Variants in CLCN5 observed in about 807,000 individuals in gnomAD.
CLCN5 encodes the protein Cl-/H+ antiporter 5.
CLCN5 carries 17 observed loss-of-function variants against 54.0 expected under a neutral mutation model. That is an observed-to-expected ratio of 0.31 (90% confidence interval 0.22 to 0.47). The LOEUF (loss-of-function observed/expected upper bound fraction) is 0.47. CLCN5 is among the 20% of genes least tolerant of loss of function. The probability of loss-of-function intolerance (pLI) is 1.00; values close to 1 mark genes in which losing one functional copy is unlikely to be tolerated. For synonymous variants in CLCN5, 222 were observed against 233.0 expected, an observed-to-expected ratio of 0.95 and a Z score of 0.43; for missense variants, 448 against 646.7, an observed-to-expected ratio of 0.69 and a Z score of 3.33.
intron 3 of CLCN5, among the ~76,000 whole-genome samples, chrX:50,010,213 CCTTTCCTTT>C (rs782385861): frequency 4.6e-5 from 5 of 107,907 alleles, no homozygotes; most frequent in Non-Finnish European, 9.6e-5. Context: ...TTCTTTCCTT[CCTTTCCTTT>C]CCTTTCTTTT....
At chrX:50,051,026 A>C (rs1557188303) in intron 4 of CLCN5, among the ~76,000 whole-genome samples, 1 of 111,350 alleles carries the variant, frequency 9.0e-6, no homozygotes, top group African/African-American at 3.3e-5. Context: ...ATTTTAGTGA[A>C]GTCTAACTTA....
intron 3 of CLCN5, among the ~76,000 whole-genome samples, chrX:50,033,918 C>T (rs1931860551): frequency 9.0e-6 from 1 of 111,567 alleles, no homozygotes; most frequent in African/African-American, 3.3e-5. Context: ...AGAGTCCTCA[C>T]CTTTTTCTCA....
In CLCN5 at chrX:50,078,846, G is replaced by A. The variant is rs189260970; in HGVS notation, c.604-1748G>A. Among the ~76,000 whole-genome samples the A allele has an allele frequency of 1.1e-3, 126 of 111,692 alleles. 3 individuals are homozygous for A. The East Asian group carries it at 0.034, about 30-fold the overall frequency. ...TTTTTGTTTGTTTGTTTTTTGAGAC[G>A]GAGTCTCACTCTGTCACCCAGGCTG... is the stretch of plus-strand genomic sequence containing the variant. On this transcript the variant is annotated intron_variant, in intron 7 of 14. Transcript: ENST00000376091.
intron 3 of CLCN5, chrX:50,008,291 A>G: frequency 5.1e-6 from 1 of 195,198 alleles, no homozygotes. Flanking sequence ...CTGAGAGAAC[A>G]GACAAAATGT....
chrX:49,972,136 TG>T (rs1928252818), intron 3 of CLCN5, among the ~76,000 whole-genome samples: 1 of 107,768 alleles, frequency 9.3e-6, no homozygotes, highest in Non-Finnish European at 1.9e-5. Context: ...TGTGTGTGTG[TG>T]TGTGTGTGTG....
At chrX:49,981,549 G>T (rs1928731429) in intron 3 of CLCN5, among the ~76,000 whole-genome samples, 1 of 111,228 alleles carries the variant, frequency 9.0e-6, no homozygotes, top group African/African-American at 3.3e-5. Flanking sequence ...GTCTTAGCAG[G>T]TTTTTAATTA....
At chrX:50,047,718 T>C (rs1818826307) in intron 4 of CLCN5, among the ~76,000 whole-genome samples, 2 of 111,876 alleles carry the variant, frequency 1.8e-5, no homozygotes, top group African/African-American at 6.5e-5. Context: ...TCCTTGTTTT[T>C]GATGACCTTA....
intron 12 of CLCN5, 117 bp from the exon 13 acceptor site, chrX:50,089,999 C>T: frequency 1.4e-6 from 1 of 732,966 alleles, no homozygotes; most frequent in Non-Finnish European, 2.1e-6. Context: ...CTGGGGTCTG[C>T]ACAGTTGTAG....
intron 7 of CLCN5, among the ~76,000 whole-genome samples, chrX:50,080,065 T>A (rs782149842): frequency 1.5e-4 from 17 of 111,201 alleles, no homozygotes; most frequent in African/African-American, 5.2e-4. Flanking sequence ...AATAAAAAAA[T>A]TTTAAAAAGC....
At chrX:49,977,388 C>T (rs1252042943) in intron 3 of CLCN5, among the ~76,000 whole-genome samples, 1 of 111,233 alleles carries the variant, frequency 9.0e-6, no homozygotes, top group Admixed American at 9.5e-5. Flanking sequence ...ACTTCACAGC[C>T]CAGGGAAATC....
intron 4 of CLCN5, among the ~76,000 whole-genome samples, chrX:50,047,174 A>T (rs1343278800): frequency 1.8e-5 from 2 of 112,243 alleles, no homozygotes; most frequent in Non-Finnish European, 3.8e-5. Context: ...AAACAAAGTA[A>T]AATATCTTGG....
intron 4 of CLCN5, among the ~76,000 whole-genome samples, chrX:50,063,078 C>A (rs1454509890): frequency 9.3e-6 from 1 of 108,076 alleles, no homozygotes; most frequent in Non-Finnish European, 1.9e-5. Context: ...AATTGACACC[C>A]TAACATCACA....
intron 3 of CLCN5, among the ~76,000 whole-genome samples, chrX:49,953,135 C>T (rs1166337623): frequency 4.5e-5 from 5 of 110,993 alleles, no homozygotes; most frequent in Non-Finnish European, 7.6e-5. Context: ...ATCAGCCTGC[C>T]TCGGCCTCCC....
intron 7 of CLCN5, among the ~76,000 whole-genome samples, chrX:50,079,385 C>T (rs1317390293): frequency 1.8e-5 from 2 of 111,960 alleles, no homozygotes; most frequent in African/African-American, 6.5e-5. Context: ...AGTCAAAAGT[C>T]CATTGGGTTT....
At chrX:50,014,000 A>G (rs1447438757) in intron 3 of CLCN5, among the ~76,000 whole-genome samples, 2 of 112,265 alleles carry the variant, frequency 1.8e-5, no homozygotes, top group Non-Finnish European at 3.8e-5. Context: ...TAGCAGGCTC[A>G]TGGAGAATAA....
In CLCN5 at chrX:49,994,815, G is replaced by T. The variant is rs184604892; in HGVS notation, c.17-47501G>T. ...GGTCACAGCAGTTAAACACGATTGGGTGAATTCTTCCACCAAGTTTCAGCA... is the reference window on the plus strand; with the variant it reads ...GGTCACAGCAGTTAAACACGATTGGTTGAATTCTTCCACCAAGTTTCAGCA... On this transcript the variant is annotated intron_variant, in intron 3 of 14. Coordinates refer to ENST00000376091, the MANE Select transcript of CLCN5 (RefSeq NM_001127898.4). Among the ~76,000 whole-genome samples the T allele has an allele frequency of 1.1e-4, 12 of 111,696 alleles. No individual in the cohort carries two copies. The Admixed American group carries it at 1.1e-3, about 11-fold the overall frequency.
chrX:49,984,902 C>A (rs782320207), intron 3 of CLCN5, among the ~76,000 whole-genome samples: 7 of 110,721 alleles, frequency 6.3e-5, no homozygotes, highest in Non-Finnish European at 1.3e-4. Context: ...GAGGGGTGAG[C>A]CACCGTGCCT....
In CLCN5 at chrX:50,080,671, T is replaced by C. The variant is rs1557192971; in HGVS notation, c.681T>C (p.Leu227=). Residue 227 remains leucine (L), a synonymous_variant, in exon 8 of 15, where the codon CTT becomes CTC. Transcript: ENST00000376091. ...ALLFAFLAVS[L]VKVFAPYACG... is the part of the protein sequence containing the mutation. ...TATTTGCCTTCCTTGCCGTATCTCT[T>C]GTCAAGGTGTTTGCGCCTTATGCCT... The C allele has an allele frequency of 8.3e-7, 1 of 1,202,450 alleles. No homozygotes were observed. The highest frequency in any genetic ancestry group is 1.1e-6 in the Non-Finnish European group (1 of 888,834).
intron 3 of CLCN5, among the ~76,000 whole-genome samples, chrX:50,009,278 A>G (rs73490090): frequency 0.016 from 1,788 of 112,009 alleles, 32 homozygotes; most frequent in African/African-American, 0.054. Flanking sequence ...TGTGTCAGAT[A>G]CTGTAATGGG....
Sources: gnomAD v4.1 joint callset for allele counts (sites outside exome capture counted in the v4.1 genomes callset) on GRCh38, gnomAD v4.1.1 for gene constraint, MANE v1.5 for transcripts, NCBI Gene and HGNC (gene_info 2026-07-23, HGNC 2026-07-21) for gene names.